The following PEX14 variants were observed in gnomAD, a reference collection of about 807,000 sequenced individuals.
PEX14 encodes the protein peroxisomal membrane protein PEX14.
In PEX14, 15 loss-of-function variants were observed where a neutral mutation model predicts 49.5. The observed-to-expected ratio is 0.30, with a 90% CI of 0.20 to 0.47. PEX14 has a LOEUF of 0.47. PEX14 is among the 20% of genes least tolerant of loss of function. The pLI is 1.00. For synonymous variants in PEX14, 210 were observed against 212.7 expected (o/e 0.99, Z 0.11); for missense variants, 398 against 494.8 (o/e 0.80, Z 1.86).
rs190135555 is a variant in PEX14 at position 10,510,876 on chromosome 1, A to G, written c.84+15555A>G. Among the ~76,000 whole-genome samples, 218 of 152,336 alleles carry G rather than the reference A, an allele frequency of 1.4e-3. 3 individuals are homozygous for G. The highest frequency in any genetic ancestry group is 9.7e-4 in the Non-Finnish European group (66 of 68,030). ...TGGATGACTGCTACGCAAGCAACAT[A>G]AAGAGGCCATTTTATGAAAGGGAAC... On this transcript the variant is annotated intron_variant, in intron 2 of 8. Transcript: ENST00000356607.
At position 10,529,941 on chromosome 1, in the gene PEX14, G is replaced by C. The variant is rs924399230; in HGVS notation, c.85-6272G>C. On this transcript the variant is annotated intron_variant, in intron 2 of 8. Transcript: ENST00000356607. The surrounding 1 kb of genome is among the most constrained non-coding windows in gnomAD (Gnocchi z 4.2). ...AGTGACAAAACCCAGGAAATTCCAA[G>C]TCGAAAGAGAGGCTCTTTCCTTTAA... Among the ~76,000 whole-genome samples the C allele has an allele frequency of 6.6e-6, 1 of 152,196 alleles. No homozygotes were observed. The highest frequency in any genetic ancestry group is 1.5e-5 in the Non-Finnish European group (1 of 68,036).
chr1:10,476,850 T>G (rs1307392184), intron 1 of PEX14, among the ~76,000 whole-genome samples: 2 of 152,238 alleles, frequency 1.3e-5, no homozygotes, highest in East Asian at 3.9e-4. Context: ...ACTAAAAATC[T>G]TGCCACTTGG....
chr1:10,563,311 T>C lies in PEX14; in HGVS notation c.169+27014T>C, dbSNP rs574529790. On this transcript the variant is annotated intron_variant, in intron 3 of 8. Transcript: ENST00000356607. Reference sequence around the variant, plus strand: ...AGTTATTTCCACACTTTAAAAATGTTATTTCAGGCCGGGCGCGGTTGCTCA... The same window carrying C: ...AGTTATTTCCACACTTTAAAAATGTCATTTCAGGCCGGGCGCGGTTGCTCA... 2.0e-5 allele frequency among the ~76,000 whole-genome samples: 3 copies of C among 151,652 alleles called. No homozygotes were observed. The East Asian group carries it at 5.9e-4, about 30-fold the overall frequency.
chr1:10,516,612 T>C (rs979151098), intron 2 of PEX14, among the ~76,000 whole-genome samples: 34 of 152,354 alleles, frequency 2.2e-4, no homozygotes, highest in African/African-American at 7.7e-4. Flanking sequence ...TTCTAGTCTT[T>C]GTTGTGGCCA....
At chr1:10,543,963 G>A (rs575420635) in intron 3 of PEX14, among the ~76,000 whole-genome samples, 28 of 152,300 alleles carry the variant, frequency 1.8e-4, no homozygotes, top group Admixed American at 1.5e-3. Context: ...AAACTGACTT[G>A]GCCTGGCAAT....
At chr1:10,534,994 T>TA (rs1638758002) in intron 2 of PEX14, among the ~76,000 whole-genome samples, 1 of 152,234 alleles carries the variant, frequency 6.6e-6, no homozygotes. Context: ...ACAGTCACAG[T>TA]ACTTTCTGTT....
chr1:10,535,882 C>T (rs978092265), intron 2 of PEX14: 14 of 373,944 alleles, frequency 3.7e-5, no homozygotes, highest in African/African-American at 1.9e-4. Flanking sequence ...GGCACAAGGG[C>T]GGCGACATGG....
rs568016515 is a variant in PEX14 at position 10,563,772 on chromosome 1, C to T, written c.169+27475C>T. Among the ~76,000 whole-genome samples, 19 of 152,032 alleles carry T rather than the reference C, an allele frequency of 1.2e-4. No individual in the cohort carries two copies. In the East Asian group the frequency reaches 3.5e-3, roughly 28 times the overall value. On this transcript the variant is annotated intron_variant, in intron 3 of 8. Coordinates refer to ENST00000356607, the MANE Select transcript of PEX14 (RefSeq NM_004565.3). ...CTAAAAATGCAAAAAATTAGCCGGG[C>T]ATGGTGGCGGGTGCCTGTAGTTCCA... is the stretch of plus-strand genomic sequence containing the variant.
chr1:10,510,177 TG>T (rs1343549454), intron 2 of PEX14, among the ~76,000 whole-genome samples: 2 of 152,302 alleles, frequency 1.3e-5, no homozygotes, highest in Non-Finnish European at 2.9e-5. Flanking sequence ...CACGGCTCCC[TG>T]GTTTACAGGT....
At chr1:10,554,133 C>CAAAAAAAA (rs33963510) in intron 3 of PEX14, among the ~76,000 whole-genome samples, 17 of 111,042 alleles carry the variant, frequency 1.5e-4, no homozygotes, top group East Asian at 5.4e-4. Flanking sequence ...ACTAAAAATA[C>CAAAAAAAA]AAAAAAAAAA....
At chr1:10,624,539 T>A (rs1258895391) in intron 7 of PEX14, 102 bp downstream of exon 7, 1 of 793,238 alleles carries the variant, frequency 1.3e-6, no homozygotes, top group Non-Finnish European at 2.2e-6. Flanking sequence ...GGAGCTGGAC[T>A]TTGCCCCAGT....
At chr1:10,572,691 C>G (rs1039600196) in intron 3 of PEX14, among the ~76,000 whole-genome samples, 4 of 151,784 alleles carry the variant, frequency 2.6e-5, no homozygotes, top group Non-Finnish European at 4.4e-5. Flanking sequence ...CCCCCCCCAC[C>G]ACGCCCAGCT....
intron 3 of PEX14, among the ~76,000 whole-genome samples, chr1:10,556,258 T>A (rs115420143): frequency 1.3e-5 from 2 of 152,252 alleles, no homozygotes; most frequent in South Asian, 4.1e-4. Flanking sequence ...GTGAACATGC[T>A]GCCTCTCTGG....
At chr1:10,609,739 G>A (rs1255627178) in intron 4 of PEX14, among the ~76,000 whole-genome samples, 1 of 152,082 alleles carries the variant, frequency 6.6e-6, no homozygotes, top group Non-Finnish European at 1.5e-5. Flanking sequence ...ACAAAAATTA[G>A]CTGGCCGTGG....
At chr1:10,506,468 G>A (rs139670508) in intron 2 of PEX14, among the ~76,000 whole-genome samples, 2 of 152,210 alleles carry the variant, frequency 1.3e-5, no homozygotes, top group African/African-American at 4.8e-5. Flanking sequence ...TTAGAGACGA[G>A]GTTTCTGTAT....
At position 10,613,678 on chromosome 1, in the gene PEX14, T is replaced by C. The variant is rs1487302342; in HGVS notation, c.299-4654T>C. On this transcript the variant is annotated intron_variant, in intron 4 of 8. Coordinates refer to ENST00000356607, the MANE Select transcript of PEX14 (RefSeq NM_004565.3). The surrounding 1 kb of genome is among the most constrained non-coding windows in gnomAD (Gnocchi z 5.0). ...GCTGGGCTCTGAGTGAGAGTGAAGATATCGCCTGTTCTTGGATTCTTTGGG... is the reference window on the plus strand; with the variant it reads ...GCTGGGCTCTGAGTGAGAGTGAAGACATCGCCTGTTCTTGGATTCTTTGGG... Among the ~76,000 whole-genome samples the C allele has an allele frequency of 6.6e-6, 1 of 152,166 alleles. No individual in the cohort carries two copies. Among genetic ancestry groups the C allele is most frequent in the Non-Finnish European group, 1.5e-5 (1 of 68,026 alleles).
At chr1:10,524,557 A>T (rs1217768282) in intron 2 of PEX14, 1 of 216,842 alleles carries the variant, frequency 4.6e-6, no homozygotes, top group African/African-American at 2.3e-5. Flanking sequence ...GATGACCAAG[A>T]TGGGGAAGGG....
chr1:10,520,624 A>G (rs1488026449), intron 2 of PEX14, among the ~76,000 whole-genome samples: 1 of 151,842 alleles, frequency 6.6e-6, no homozygotes, highest in Non-Finnish European at 1.5e-5. Flanking sequence ...CATCAAAACC[A>G]CTCTAAGTTC....
chr1:10,527,204 T>G (rs1638510863), intron 2 of PEX14, among the ~76,000 whole-genome samples: 2 of 114,082 alleles, frequency 1.8e-5, no homozygotes, highest in African/African-American at 6.0e-5. Flanking sequence ...AGAGTGAGAC[T>G]CTGTCTCAAA....
Sources: allele counts gnomAD v4.1 joint callset (sites outside exome capture counted in the v4.1 genomes callset), GRCh38; gene constraint gnomAD v4.1.1; non-coding constraint Gnocchi (gnomAD v3.1); transcripts MANE v1.5; gene names NCBI Gene and HGNC (gene_info 2026-07-23, HGNC 2026-07-21).